AGAP1: variants seen among roughly 807,000 people sequenced by gnomAD.
The protein encoded by AGAP1 is ArfGAP with GTPase domain, ankyrin repeat and PH domain 1.
AGAP1 carries 29 observed loss-of-function variants against 105.3 expected under a neutral mutation model. That is an observed-to-expected ratio of 0.28 (90% CI 0.21 to 0.38). AGAP1 has a LOEUF of 0.38. Among genes scored for constraint, AGAP1 ranks in the 10% least tolerant of loss-of-function variants. AGAP1 has a pLI of 1.00. For synonymous variants in AGAP1, 509 were observed against 485.9 expected, an observed-to-expected ratio of 1.05 and a Z score of -0.63; for missense variants, 998 against 1,165.1, an observed-to-expected ratio of 0.86 and a Z score of 2.09.
chr2:235,930,706 G>A lies in AGAP1; in HGVS notation c.1325-59G>A, dbSNP rs1004850836. 30 of 1,551,356 alleles carry A rather than the reference G, an allele frequency of 1.9e-5. No homozygotes were observed. The highest frequency in any genetic ancestry group is 2.0e-4 in the Middle Eastern group (1 of 5,050). ...GCGTGTGGGTCCCATAGACTAACTCGCGCTGGTTTCTGTGGTCTGCAGTCC... is the reference window on the plus strand; with the variant it reads ...GCGTGTGGGTCCCATAGACTAACTCACGCTGGTTTCTGTGGTCTGCAGTCC... On this transcript the variant is annotated intron_variant, in intron 11 of 17. Transcript: ENST00000304032. The surrounding 1 kb of genome is among the most constrained non-coding windows in gnomAD (Gnocchi z 7.9).
intron 1 of AGAP1, among the ~76,000 whole-genome samples, chr2:235,520,625 A>G (rs1240708100): frequency 1.3e-5 from 2 of 152,174 alleles, no homozygotes; most frequent in Non-Finnish European, 2.9e-5. Flanking sequence ...TTAGCTCGTC[A>G]GAGGTTGCAA....
At chr2:235,766,828 A>T (rs114370406) in intron 6 of AGAP1, among the ~76,000 whole-genome samples, 83 of 151,360 alleles carry the variant, frequency 5.5e-4, no homozygotes, top group African/African-American at 1.9e-3. Flanking sequence ...TGCTACCTCC[A>T]CTTCCTGGGT....
chr2:235,782,375 A>G (rs564334049), intron 6 of AGAP1, among the ~76,000 whole-genome samples: 4 of 152,144 alleles, frequency 2.6e-5, no homozygotes, highest in South Asian at 2.1e-4. Flanking sequence ...CCAGTTTTCT[A>G]TACTTTGACA....
In AGAP1 at chr2:235,979,138, T is replaced by G. The variant is rs1007433899; in HGVS notation, c.1645+10515T>G. Among the ~76,000 whole-genome samples the G allele has an allele frequency of 1.0e-4, 15 of 149,426 alleles. No individual in the cohort carries two copies. Among genetic ancestry groups the G allele is most frequent in the African/African-American group, 3.3e-4 (13 of 39,108 alleles). On this transcript the variant is annotated intron_variant, in intron 13 of 17. Transcript: ENST00000304032. This position sits in a 1 kb window ranked among gnomAD's most constrained non-coding sequence, Gnocchi z 4.5. ...TTTGTGGGGTTTTTTTGTTGTTGTT[T>G]TTGTTTTTTTTTTTTTGGGATATGA... is the stretch of plus-strand genomic sequence containing the variant.
At position 236,014,803 on chromosome 2, in the gene AGAP1, A is replaced by G; in HGVS notation, c.1646-21758A>G. The G allele has an allele frequency of 2.2e-6, 1 of 452,098 alleles. No individual in the cohort carries two copies. Among genetic ancestry groups the G allele is most frequent in the East Asian group, 7.9e-5 (1 of 12,682 alleles). 28.0% of individuals were successfully genotyped at this position (452,098 alleles called of 1,614,324 possible). ...TCTCCCCTTTCTGCTCTCGGGATGC[A>G]GCCAAACGCAAAGCATGGAAACTAA... On this transcript the variant is annotated intron_variant, in intron 13 of 17. Coordinates refer to ENST00000304032, the MANE Select transcript of AGAP1 (RefSeq NM_001037131.3). The surrounding 1 kb of genome is among the most constrained non-coding windows in gnomAD (Gnocchi z 6.3).
At chr2:236,077,141 A>G (rs1440595808) in intron 16 of AGAP1, among the ~76,000 whole-genome samples, 1 of 123,820 alleles carries the variant, frequency 8.1e-6, no homozygotes, top group Non-Finnish European at 1.7e-5. Context: ...AAAAAAAAAA[A>G]AATATATATA....
intron 9 of AGAP1, among the ~76,000 whole-genome samples, chr2:235,847,337 G>T (rs1451797385): frequency 1.3e-5 from 2 of 152,196 alleles, no homozygotes; most frequent in South Asian, 4.1e-4. Flanking sequence ...AATACAGAAT[G>T]CTCTTTCTAC....
At chr2:235,942,914 C>G (rs1225694050) in intron 12 of AGAP1, among the ~76,000 whole-genome samples, 8 of 151,942 alleles carry the variant, frequency 5.3e-5, no homozygotes, top group African/African-American at 1.5e-4. Flanking sequence ...TGGAGAGACC[C>G]TATCTCTACT....
intron 13 of AGAP1, among the ~76,000 whole-genome samples, chr2:235,998,592 T>A (rs2055916103): frequency 6.8e-6 from 1 of 148,098 alleles, no homozygotes; most frequent in African/African-American, 2.4e-5. Flanking sequence ...AAGTCTATGG[T>A]AAGTGCTCAG....
Position 235,788,575 on chromosome 2 carries a change from G to A in AGAP1, c.674-9184G>A, listed in dbSNP as rs1956787857. Reference sequence around the variant, plus strand: ...GAAGAGCGGGAGGGTAGGTGAGGCCGGGCAAGGAGAGGAGTGGGAGGGTCC... The same window carrying A: ...GAAGAGCGGGAGGGTAGGTGAGGCCAGGCAAGGAGAGGAGTGGGAGGGTCC... On this transcript the variant is annotated intron_variant, in intron 6 of 17. Coordinates refer to ENST00000304032, the MANE Select transcript of AGAP1 (RefSeq NM_001037131.3). The surrounding 1 kb of genome is among the most constrained non-coding windows in gnomAD (Gnocchi z 6.0). Among the ~76,000 whole-genome samples the A allele has an allele frequency of 6.6e-6, 1 of 152,004 alleles. No homozygotes were observed. The highest frequency in any genetic ancestry group is 1.5e-5 in the Non-Finnish European group (1 of 67,990).
rs762502662 is a variant in AGAP1 at position 235,736,804 on chromosome 2, G to A, written c.311-4159G>A. Among the ~76,000 whole-genome samples, 8 of 152,228 alleles carry A rather than the reference G, an allele frequency of 5.3e-5. No homozygotes were observed. Among genetic ancestry groups the A allele is most frequent in the East Asian group, 1.9e-4 (1 of 5,170 alleles). ...TGCAGTGAGTCATGTCCGTGCCACC[G>A]CACTCCAGCCTAGGCAACAGAGTGA... On this transcript the variant is annotated intron_variant, in intron 3 of 17. Coordinates refer to ENST00000304032, the MANE Select transcript of AGAP1 (RefSeq NM_001037131.3). The surrounding 1 kb of genome is among the most constrained non-coding windows in gnomAD (Gnocchi z 5.5).
chr2:235,521,521 C>T (rs1253109549), intron 1 of AGAP1, among the ~76,000 whole-genome samples: 1 of 152,114 alleles, frequency 6.6e-6, no homozygotes, highest in Non-Finnish European at 1.5e-5. Context: ...TAAGCAAATA[C>T]ATGCGAATGG....
intron 1 of AGAP1, among the ~76,000 whole-genome samples, chr2:235,589,821 T>G (rs930239334): frequency 5.4e-5 from 8 of 148,700 alleles, no homozygotes; most frequent in African/African-American, 1.2e-4. Flanking sequence ...TCAGAGCATC[T>G]AGAGAGAGAG....
intron 1 of AGAP1, among the ~76,000 whole-genome samples, chr2:235,598,556 C>T (rs1306281784): frequency 6.6e-6 from 1 of 152,166 alleles, no homozygotes; most frequent in African/African-American, 2.4e-5. Context: ...GAAGTGAGGA[C>T]TTACTGGATG....
chr2:235,812,411 A>G (rs998526776), intron 9 of AGAP1, among the ~76,000 whole-genome samples: 13 of 152,196 alleles, frequency 8.5e-5, no homozygotes, highest in African/African-American at 2.4e-4. Context: ...GCAATTGTCA[A>G]TTAAGTGAAA....
intron 1 of AGAP1, among the ~76,000 whole-genome samples, chr2:235,649,671 C>T (rs950952119): frequency 4.6e-5 from 7 of 152,184 alleles, no homozygotes; most frequent in Admixed American, 1.3e-4. Flanking sequence ...AGTGGCTGGC[C>T]GAGATTGTGC....
chr2:236,049,381 A>C, intron 16 of AGAP1, 100 bp downstream of exon 16: 1 of 1,094,410 alleles, frequency 9.1e-7, no homozygotes, highest in Non-Finnish European at 1.3e-6. Flanking sequence ...GGCCCTGATA[A>C]CCTGTAGGAA....
chr2:235,752,675 T>C lies in AGAP1; in HGVS notation c.673+2187T>C, dbSNP rs1420199248. On this transcript the variant is annotated intron_variant, in intron 6 of 17. Coordinates refer to ENST00000304032, the MANE Select transcript of AGAP1 (RefSeq NM_001037131.3). The surrounding 1 kb of genome is among the most constrained non-coding windows in gnomAD (Gnocchi z 4.3). ...TCAGGGACTCAGTTGTCTGGATAAG[T>C]TTAGTTTCCACAGTGACTCCTTTGC... Among the ~76,000 whole-genome samples, 4 of 152,154 alleles carry C rather than the reference T, an allele frequency of 2.6e-5. No homozygotes were observed. The highest frequency in any genetic ancestry group is 9.6e-5 in the African/African-American group (4 of 41,454).
rs2048648597 is a variant in AGAP1, at chr2:235,855,452, C to T, written c.1051-27893C>T. On this transcript the variant is annotated intron_variant, in intron 9 of 17. Transcript: ENST00000304032. This position sits in a 1 kb window ranked among gnomAD's most constrained non-coding sequence, Gnocchi z 5.0. ...TTAGATGTCCTTATTCATTCAGTTA[C>T]AGATTTATCATTTTTCAAACCAAAT... Among the ~76,000 whole-genome samples the T allele has an allele frequency of 6.6e-6, 1 of 152,178 alleles. No homozygotes were observed.
Sources: gnomAD v4.1 joint callset for allele counts (sites outside exome capture counted in the v4.1 genomes callset) on GRCh38, gnomAD v4.1.1 for gene constraint, Gnocchi (gnomAD v3.1) non-coding constraint, MANE v1.5 for transcripts, NCBI Gene and HGNC (gene_info 2026-07-23, HGNC 2026-07-21) for gene names.